The following DPYD variants were observed in gnomAD, a reference collection of about 807,000 sequenced individuals.
DPYD encodes the protein dihydropyrimidine dehydrogenase [NADP(+)].
In DPYD, 109 loss-of-function variants were observed where a neutral mutation model predicts 116.2. That is an observed-to-expected ratio of 0.94 (90% confidence interval 0.80 to 1.10). The LOEUF (loss-of-function observed/expected upper bound fraction) is 1.10, where lower values mean the gene tolerates loss of function less well. Ranked by LOEUF, DPYD falls within the 50% of genes least tolerant of loss-of-function variation. DPYD has a pLI of 0.00. For synonymous variants in DPYD, 440 were observed against 432.0 expected, an observed-to-expected ratio of 1.02 and a Z score of -0.23; for missense variants, 1,302 against 1,254.5, an observed-to-expected ratio of 1.04 and a Z score of -0.57.
chr1:97,696,879 T>A (rs1031995355), intron 6 of DPYD, among the ~76,000 whole-genome samples: 2 of 152,106 alleles, frequency 1.3e-5, no homozygotes, highest in African/African-American at 4.8e-5. Flanking sequence ...CTAGACCTCA[T>A]TTCTCTTTAT....
chr1:97,123,156 A>C (rs1022554318), intron 20 of DPYD, among the ~76,000 whole-genome samples: 1 of 152,154 alleles, frequency 6.6e-6, no homozygotes, highest in Non-Finnish European at 1.5e-5. Flanking sequence ...TAGGCTGAAA[A>C]TCCTAATGCT....
chr1:97,819,282 T>C (rs1179246097), intron 3 of DPYD, among the ~76,000 whole-genome samples: 2 of 151,964 alleles, frequency 1.3e-5, no homozygotes, highest in African/African-American at 2.4e-5. Context: ...TATTTAGTGA[T>C]AGAAAACTTG....
chr1:97,569,979 T>C (rs976873728), intron 11 of DPYD, among the ~76,000 whole-genome samples: 4 of 151,964 alleles, frequency 2.6e-5, no homozygotes, highest in African/African-American at 7.2e-5. Flanking sequence ...TTAGCAACTA[T>C]AATCCCAAAC....
At chr1:97,347,385 T>G (rs1255417865) in intron 16 of DPYD, among the ~76,000 whole-genome samples, 2 of 152,048 alleles carry the variant, frequency 1.3e-5, no homozygotes, top group African/African-American at 4.8e-5. Context: ...GATGATCATA[T>G]AATTTTTCTG....
At position 97,306,269 on chromosome 1, in the gene DPYD, C is replaced by G. The variant is rs778298325; in HGVS notation, c.2087G>C (p.Arg696Pro). 1 of 1,612,244 alleles carries G rather than the reference C, an allele frequency of 6.2e-7. No homozygotes were observed. Among genetic ancestry groups the G allele is most frequent in the African/African-American group, 1.3e-5 (1 of 74,768 alleles). The change falls in exon 17 of 23, where the codon CGC (arginine) becomes CCC (proline). Residue 696 changes from arginine to proline, a missense_variant. Coordinates refer to ENST00000370192, the MANE Select transcript of DPYD (RefSeq NM_000110.4). ...QDPELVRNIC[R>P]WVRQAVQIPF... ...AATCTGAACAGCTTGCCTAACCCAG[C>G]GGCAGATGTTCCGCACCAGCTCTGG... is the stretch of plus-strand genomic sequence containing the variant.
chr1:97,376,728 C>A (rs1401077254), intron 15 of DPYD, among the ~76,000 whole-genome samples: 1 of 151,888 alleles, frequency 6.6e-6, no homozygotes, highest in Non-Finnish European at 1.5e-5. Flanking sequence ...AGTCACTTAC[C>A]CAGAGTTTAT....
chr1:97,162,203 T>A (rs1443870746), intron 20 of DPYD, among the ~76,000 whole-genome samples: 11 of 151,678 alleles, frequency 7.3e-5, no homozygotes, highest in South Asian at 2.1e-4. Context: ...GTAAAAGTGT[T>A]CCTATTTGTC....
At chr1:97,700,272 C>T in intron 5 of DPYD, 1 of 455,824 alleles carries the variant, frequency 2.2e-6, no homozygotes, top group Non-Finnish European at 4.4e-6. Flanking sequence ...CAGAGAGACA[C>T]AGAGTTTTGG....
At chr1:97,446,744 A>T (rs1315081044) in intron 14 of DPYD, among the ~76,000 whole-genome samples, 5 of 152,048 alleles carry the variant, frequency 3.3e-5, no homozygotes, top group Admixed American at 1.3e-4. Flanking sequence ...GTTAAAAAAA[A>T]TTTTCCCCGG....
chr1:97,662,503 C>G (rs770557394), intron 8 of DPYD, among the ~76,000 whole-genome samples: 1 of 151,748 alleles, frequency 6.6e-6, no homozygotes, highest in Non-Finnish European at 1.5e-5. Flanking sequence ...CGTGGTGGCA[C>G]GTGCCTGTAA....
chr1:97,831,471 G>A (rs1375981384), intron 2 of DPYD, among the ~76,000 whole-genome samples: 1 of 152,106 alleles, frequency 6.6e-6, no homozygotes, highest in Non-Finnish European at 1.5e-5. Context: ...TAAATTATTT[G>A]TAATCAACAA....
At chr1:97,558,739 A>T (rs1651923618) in intron 11 of DPYD, among the ~76,000 whole-genome samples, 2 of 152,168 alleles carry the variant, frequency 1.3e-5, no homozygotes, top group Admixed American at 1.3e-4. Context: ...TTCTATTGGA[A>T]GTTTCATTTC....
At chr1:97,652,413 T>C (rs1443896072) in intron 8 of DPYD, among the ~76,000 whole-genome samples, 5 of 152,212 alleles carry the variant, frequency 3.3e-5, no homozygotes, top group South Asian at 2.1e-4. Context: ...GTTTCATCAT[T>C]ATGAATTGGT....
intron 13 of DPYD, among the ~76,000 whole-genome samples, chr1:97,463,119 T>A (rs1677114387): frequency 6.6e-6 from 1 of 152,224 alleles, no homozygotes; most frequent in African/African-American, 2.4e-5. Context: ...TAATGATTGA[T>A]GTCTTATGTC....
chr1:97,289,454 A>C (rs372231126), intron 18 of DPYD, among the ~76,000 whole-genome samples: 101 of 152,032 alleles, frequency 6.6e-4, no homozygotes, highest in Admixed American at 1.1e-3. Context: ...TACTGGCAAA[A>C]CGAATCCAGC....
At chr1:97,474,359 A>G (rs947208108) in intron 13 of DPYD, among the ~76,000 whole-genome samples, 1 of 152,122 alleles carries the variant, frequency 6.6e-6, no homozygotes, top group Non-Finnish European at 1.5e-5. Flanking sequence ...AAACATATGA[A>G]AACATACCAA....
chr1:97,695,109 A>G (rs1661222730), intron 6 of DPYD, among the ~76,000 whole-genome samples: 1 of 152,140 alleles, frequency 6.6e-6, no homozygotes, highest in South Asian at 2.1e-4. Flanking sequence ...ACAGATTCCA[A>G]TATGTGAAAA....
chr1:97,879,871 G>T (rs549243897), intron 2 of DPYD, among the ~76,000 whole-genome samples: 13 of 151,546 alleles, frequency 8.6e-5, no homozygotes, highest in African/African-American at 3.1e-4. Flanking sequence ...AAGATGCTTC[G>T]AGCACCAAAG....
At chr1:97,808,216 T>G (rs1668172865) in intron 3 of DPYD, among the ~76,000 whole-genome samples, 1 of 152,188 alleles carries the variant, frequency 6.6e-6, no homozygotes, top group South Asian at 2.1e-4. Flanking sequence ...ACCAACATCT[T>G]GAGAATTGTG....
Sources: allele counts gnomAD v4.1 joint callset (sites outside exome capture counted in the v4.1 genomes callset), GRCh38; gene constraint gnomAD v4.1.1; transcripts MANE v1.5; gene names NCBI Gene and HGNC (gene_info 2026-07-23, HGNC 2026-07-21).